UBR4: variants seen among roughly 807,000 people sequenced by gnomAD.
The protein encoded by UBR4 is ubiquitin protein ligase E3 component n-recognin 4.
UBR4 carries 124 observed loss-of-function variants against 575.6 expected under a neutral mutation model. That is an observed-to-expected ratio of 0.22 (90% CI 0.19 to 0.25). The LOEUF is 0.25. UBR4 is among the 10% of genes least tolerant of loss of function. UBR4 has a pLI of 1.00. For missense variants in UBR4, 4,818 were observed against 6,478.8 expected, an observed-to-expected ratio of 0.74 and a Z score of 8.80; for synonymous variants, 2,455 against 2,473.7, an observed-to-expected ratio of 0.99 and a Z score of 0.22.
intron 37 of UBR4, 86 bp from the exon 38 acceptor site, chr1:19,161,233 C>A (rs772618860): frequency 2.3e-6 from 3 of 1,318,430 alleles, no homozygotes; most frequent in Non-Finnish European, 3.2e-6. Context: ...AAAATTTGAC[C>A]CAAAGAAGAA....
intron 11 of UBR4, among the ~76,000 whole-genome samples, chr1:19,191,449 C>T (rs1331338479): frequency 6.6e-6 from 1 of 152,128 alleles, no homozygotes; most frequent in Non-Finnish European, 1.5e-5. Context: ...CCAGCATGGG[C>T]AACAGAGGGA....
At chr1:19,208,466 C>CAAAAAAAA (rs71030137) in intron 1 of UBR4, among the ~76,000 whole-genome samples, 1 of 76,886 alleles carries the variant, frequency 1.3e-5, no homozygotes, top group Non-Finnish European at 2.6e-5. Flanking sequence ...GAATCCATCT[C>CAAAAAAAA]AAAAAAAAAA....
chr1:19,111,306 A>T (rs1032193897), intron 78 of UBR4, among the ~76,000 whole-genome samples: 22 of 152,322 alleles, frequency 1.4e-4, no homozygotes, highest in South Asian at 1.2e-3. Context: ...GCTTCCCAAC[A>T]TACTGAATAA....
chr1:19,092,675 G>C, intron 97 of UBR4, 144 bp downstream of exon 97: 1 of 607,416 alleles, frequency 1.6e-6, no homozygotes, highest in Non-Finnish European at 2.7e-6. Flanking sequence ...ACTTCTCTCA[G>C]CACACATAGA....
chr1:19,097,250 G>T lies in UBR4; in HGVS notation c.13333C>A (p.Arg4445=). The T allele has an allele frequency of 6.2e-7, 1 of 1,613,412 alleles. No homozygotes were observed. Among genetic ancestry groups the T allele is most frequent in the East Asian group, 2.2e-5 (1 of 44,854 alleles). Residue 4445 remains arginine, a synonymous_variant, in exon 91 of 106, where the codon CGG becomes AGG. Transcript: ENST00000375254. ...TCTGTGGCATCGCCCAGCAGCCCCC[G>T]CATACGATAAACAATCCTCATGGGC... ...GEPMRIVYRM[R]GLLGDATEEF... is the part of the protein sequence containing the mutation.
chr1:19,139,298 C>A lies in UBR4; in HGVS notation c.8594-78G>T. 9 of 1,499,804 alleles carry A rather than the reference C, an allele frequency of 6.0e-6. No homozygotes were observed. Among genetic ancestry groups the A allele is most frequent in the Non-Finnish European group, 8.0e-6 (9 of 1,118,838 alleles). The allele number at this position is 1,499,804 out of a possible 1,614,324, so 92.9% of individuals were successfully genotyped here. On this transcript the variant is annotated intron_variant, in intron 58 of 105. Transcript: ENST00000375254. The surrounding 1 kb of genome is among the most constrained non-coding windows in gnomAD (Gnocchi z 4.2). Reference sequence around the variant, plus strand: ...CAAACAAAAAACAAAAAAAACCCCTCCTTGGGATGAAAGCATCAAACCACA... The same window carrying A: ...CAAACAAAAAACAAAAAAAACCCCTACTTGGGATGAAAGCATCAAACCACA...
At chr1:19,208,132 T>C (rs2093101344) in intron 1 of UBR4, among the ~76,000 whole-genome samples, 1 of 152,198 alleles carries the variant, frequency 6.6e-6, no homozygotes, top group Non-Finnish European at 1.5e-5. Context: ...ACACATAGGC[T>C]TTCAAAGCTA....
intron 17 of UBR4, among the ~76,000 whole-genome samples, chr1:19,183,411 C>T (rs2091205549): frequency 6.6e-6 from 1 of 152,076 alleles, no homozygotes. Context: ...GATTTAATGA[C>T]AAACTGTTCC....
chr1:19,167,806 T>C (rs938796765), intron 28 of UBR4, among the ~76,000 whole-genome samples: 1 of 152,250 alleles, frequency 6.6e-6, no homozygotes, highest in Non-Finnish European at 1.5e-5. Context: ...GCAAGTCTTT[T>C]CTGAAAAATA....
At position 19,186,559 on chromosome 1, in the gene UBR4, C is replaced by T. The variant is rs766660455; in HGVS notation, c.1731G>A (p.Thr577=). 89 of 1,614,000 alleles carry T rather than the reference C, an allele frequency of 5.5e-5. No individual in the cohort carries two copies. The highest frequency in any genetic ancestry group is 6.9e-5 in the Non-Finnish European group (81 of 1,179,954). ...NTYYEDDFSS[T]EEDSSQDDDS... ...CTCTACCTTGGCTGCTGTCCTCCTC[C>T]GTGCTACTGAAATCGTCCTCATAGT... Residue 577 remains threonine (T), a synonymous_variant, in exon 14 of 106, where the codon ACG becomes ACA. Transcript: ENST00000375254.
At chr1:19,178,139 T>C (rs1418075311) in intron 18 of UBR4, among the ~76,000 whole-genome samples, 2 of 152,202 alleles carry the variant, frequency 1.3e-5, no homozygotes, top group African/African-American at 4.8e-5. Context: ...CAATTACTTT[T>C]CCCCATATTT....
Position 19,110,103 on chromosome 1 carries a change from T to C in UBR4, c.12098A>G (p.Lys4033Arg), listed in dbSNP as rs1445463539. 1.9e-6 allele frequency: 3 copies of C among 1,614,158 alleles called. No individual in the cohort carries two copies. Among genetic ancestry groups the C allele is most frequent in the Non-Finnish European group, 1.7e-6 (2 of 1,180,024 alleles). ...CCCTGCTTGGCCCAGTACCTTGTTC[T>C]TCTTGCTAGTGGGAGCAGGTGGTTT... ...LIKPPAPTSK[K>R]NKDVPVEALT... Residue 4033 changes from lysine (K) to arginine (R), a missense_variant, in exon 81 of 106, where the codon AAG (lysine) becomes AGG (arginine). Coordinates refer to ENST00000375254, the MANE Select transcript of UBR4 (RefSeq NM_020765.3). This position sits in a 1 kb window ranked among gnomAD's most constrained non-coding sequence, Gnocchi z 4.5.
chr1:19,184,139 T>C lies in UBR4; in HGVS notation c.1975A>G (p.Thr659Ala). The C allele has an allele frequency of 6.2e-7, 1 of 1,613,892 alleles. No homozygotes were observed. The highest frequency in any genetic ancestry group is 1.1e-5 in the South Asian group (1 of 91,068). ...TTCCGAGAGTTCAGCATGGAAGAGG[T>C]GATGAAGTTCAAAATGTTGGAAGCC... ...GLASNILNFITSSMLNSRNNF... is the reference protein window; with the variant it reads ...GLASNILNFIASSMLNSRNNF... The change falls in exon 16 of 106, where the codon ACC becomes GCC. Residue 659 changes from threonine (T) to alanine (A), a missense_variant. This residue lies in a region of UBR4 where 1,172 missense variants were observed against 1,259.7 expected (regional missense o/e 0.93). Transcript: ENST00000375254.
chr1:19,126,703 C>T (rs371184853), intron 63 of UBR4, 48 bp from the exon 64 acceptor site: 330 of 1,594,248 alleles, frequency 2.1e-4, no homozygotes, highest in Non-Finnish European at 2.8e-4. Context: ...CTTGTAAAAA[C>T]AATGTGAAAT....
intron 13 of UBR4, 67 bp downstream of exon 13, chr1:19,187,097 C>CACAT (rs1557964225): frequency 1.5e-5 from 11 of 713,682 alleles, no homozygotes; most frequent in Non-Finnish European, 1.9e-5. Context: ...TATATATATA[C>CACAT]ATATATATAT....
intron 18 of UBR4, 30 bp from the exon 19 acceptor site, chr1:19,177,773 G>A (rs374742882): frequency 5.6e-6 from 9 of 1,598,936 alleles, no homozygotes; most frequent in Non-Finnish European, 7.7e-6. Context: ...ACTATATCTG[G>A]TGGGAAAAAG....
chr1:19,187,499 T>G lies in UBR4; in HGVS notation c.1436A>C (p.His479Pro), dbSNP rs778998133. 1 of 1,613,764 alleles carries G rather than the reference T, an allele frequency of 6.2e-7. No individual in the cohort carries two copies. Among genetic ancestry groups the G allele is most frequent in the Admixed American group, 1.7e-5 (1 of 60,000 alleles). Residue 479 changes from histidine to proline, a missense_variant, in exon 12 of 106, where the codon CAT becomes CCT. This residue lies in a region of UBR4 where 162 missense variants were observed against 216.4 expected (regional missense o/e 0.75). Coordinates refer to ENST00000375254, the MANE Select transcript of UBR4 (RefSeq NM_020765.3). ...FGVLSVILAN[H>P]AIKLLTSLFQ... ...GAGAGACGTTAGCAGTTTGATGGCA[T>G]GGTTTGCCAATATTACTGAGAGTAC...
intron 64 of UBR4, 21 bp downstream of exon 64, chr1:19,126,425 T>G: frequency 1.2e-6 from 2 of 1,613,942 alleles, no homozygotes; most frequent in Non-Finnish European, 1.7e-6. Flanking sequence ...GAGTGTTTCT[T>G]TGATGAGGGA....
At chr1:19,098,210 T>A (rs2078254096) in intron 90 of UBR4, among the ~76,000 whole-genome samples, 1 of 152,148 alleles carries the variant, frequency 6.6e-6, no homozygotes, top group Non-Finnish European at 1.5e-5. Context: ...AGAAGCCCAG[T>A]GAGAATTCCT....
Sources: gnomAD v4.1 joint callset for allele counts (sites outside exome capture counted in the v4.1 genomes callset) on GRCh38, gnomAD v4.1.1 for gene constraint, gnomAD v4.1.1 regional missense constraint, Gnocchi (gnomAD v3.1) non-coding constraint, MANE v1.5 for transcripts, NCBI Gene and HGNC (gene_info 2026-07-23, HGNC 2026-07-21) for gene names.